ANXA8: variants seen among roughly 807,000 people sequenced by gnomAD.
ANXA8 encodes the protein annexin A8.
In ANXA8, 9 loss-of-function variants were observed where a neutral mutation model predicts 26.8. That is an observed-to-expected ratio of 0.34 (90% CI 0.20 to 0.59). The LOEUF is 0.59. Among genes scored for constraint, ANXA8 ranks in the 20% least tolerant of loss-of-function variants. The pLI, the probability that ANXA8 is intolerant of heterozygous loss-of-function variation, is 0.84. For missense variants in ANXA8, 83 were observed against 238.5 expected (o/e 0.35, Z 4.29); for synonymous variants, 39 against 94.8 (o/e 0.41, Z 3.42).
At chr10:47,493,785 T>C in the ANXA8 span, among the ~76,000 whole-genome samples, 1 of 148,580 alleles carries the variant, frequency 6.7e-6, no homozygotes, top group African/African-American at 2.5e-5. Context: ...CCCTGCTAAT[T>C]TAATGCACTG....
the ANXA8 span, among the ~76,000 whole-genome samples, chr10:47,727,458 G>A: frequency 1.3e-5 from 2 of 152,142 alleles, no homozygotes; most frequent in Non-Finnish European, 2.9e-5. Flanking sequence ...TCTTTCAATA[G>A]TAGATTGTTT....
At chr10:47,558,116 C>T in the ANXA8 span, among the ~76,000 whole-genome samples, 1 of 151,804 alleles carries the variant, frequency 6.6e-6, no homozygotes, top group Admixed American at 6.6e-5. Flanking sequence ...CATCTGGATA[C>T]CAGTTAACAT....
chr10:47,509,390 G>A, the ANXA8 span, among the ~76,000 whole-genome samples: 2 of 103,076 alleles, frequency 1.9e-5, no homozygotes, highest in South Asian at 7.0e-4. Context: ...TTGTTAAAAG[G>A]GAGGGAGGAA....
the ANXA8 span, among the ~76,000 whole-genome samples, chr10:47,901,859 G>T: frequency 1.3e-5 from 2 of 151,172 alleles, no homozygotes; most frequent in Admixed American, 1.3e-4. Flanking sequence ...TATTTATTTA[G>T]CAATTTGTTG....
the ANXA8 span, among the ~76,000 whole-genome samples, chr10:47,548,092 C>T: frequency 7.0e-5 from 10 of 142,480 alleles, no homozygotes; most frequent in African/African-American, 2.6e-4. Context: ...CTAATAGTAG[C>T]ATTACATGTT....
At chr10:47,572,632 G>T in the ANXA8 span, among the ~76,000 whole-genome samples, 1 of 148,408 alleles carries the variant, frequency 6.7e-6, no homozygotes, top group Non-Finnish European at 1.5e-5. Flanking sequence ...GAGGAGAATT[G>T]CTTGAACCTG....
the ANXA8 span, among the ~76,000 whole-genome samples, chr10:47,511,264 G>A: frequency 2.1e-5 from 3 of 142,282 alleles, no homozygotes; most frequent in East Asian, 2.8e-4. Context: ...TATTTACTAC[G>A]ATAAAATGTA....
the ANXA8 span, among the ~76,000 whole-genome samples, chr10:47,656,306 G>A: frequency 6.6e-6 from 1 of 151,426 alleles, no homozygotes; most frequent in South Asian, 2.1e-4. Flanking sequence ...GCTGAGGTGG[G>A]AGGATCTCTT....
the ANXA8 span, among the ~76,000 whole-genome samples, chr10:47,727,460 A>G: frequency 9.8e-4 from 148 of 151,426 alleles, no homozygotes; most frequent in African/African-American, 3.3e-3. Flanking sequence ...TTTCAATAGT[A>G]GATTGTTTTT....
chr10:47,889,014 GTGTATT>G, the ANXA8 span, among the ~76,000 whole-genome samples: 12 of 109,382 alleles, frequency 1.1e-4, 1 homozygote, highest in Non-Finnish European at 1.6e-4. Context: ...GTGTGTGTGT[GTGTATT>G]TATTTATTTA....
upstream of ANXA8, among the ~76,000 whole-genome samples, chr10:47,488,772 G>A (rs1840091823): frequency 8.4e-6 from 1 of 118,626 alleles, no homozygotes; most frequent in African/African-American, 3.3e-5. Flanking sequence ...CTGTCGCCCA[G>A]GCTGGAGTGC....
the ANXA8 span, among the ~76,000 whole-genome samples, chr10:47,733,179 T>TTCTCTCTCTC: frequency 4.6e-5 from 4 of 87,686 alleles, no homozygotes; most frequent in African/African-American, 1.3e-4. Flanking sequence ...CTTTCTTTCT[T>TTCTCTCTCTC]TCTTTCTTTC....
the ANXA8 span, among the ~76,000 whole-genome samples, chr10:47,651,365 TTA>T: frequency 6.6e-6 from 1 of 151,384 alleles, no homozygotes; most frequent in East Asian, 1.9e-4. Context: ...TAAGGGTTCC[TTA>T]CTTATAGAGA....
chr10:47,535,162 C>T, the ANXA8 span, among the ~76,000 whole-genome samples: 2 of 129,974 alleles, frequency 1.5e-5, no homozygotes, highest in African/African-American at 6.8e-5. Flanking sequence ...TTAGTAGAGA[C>T]AGGGTTTCAC....
chr10:47,654,141 G>A, the ANXA8 span, among the ~76,000 whole-genome samples: 1 of 151,568 alleles, frequency 6.6e-6, no homozygotes, highest in African/African-American at 2.4e-5. Flanking sequence ...TGAGGTAGTG[G>A]TGACGTTGTA....
At chr10:47,643,560 A>C in the ANXA8 span, among the ~76,000 whole-genome samples, 2 of 147,784 alleles carry the variant, frequency 1.4e-5, no homozygotes, top group East Asian at 1.9e-4. Flanking sequence ...ATCAATCAAT[A>C]AAACTTTTTA....
chr10:47,707,718 C>T, the ANXA8 span, among the ~76,000 whole-genome samples: 2 of 104,158 alleles, frequency 1.9e-5, no homozygotes, highest in Admixed American at 2.2e-4. Flanking sequence ...AGTCAAAAAA[C>T]GACAGATGTT....
chr10:47,770,118 G>A, the ANXA8 span, among the ~76,000 whole-genome samples: 1 of 144,986 alleles, frequency 6.9e-6, no homozygotes. Flanking sequence ...AGCCATTCAT[G>A]AGGGATCTGC....
the ANXA8 span, among the ~76,000 whole-genome samples, chr10:47,572,591 C>G: frequency 6.6e-6 from 1 of 150,580 alleles, no homozygotes; most frequent in African/African-American, 2.5e-5. Flanking sequence ...GTGGCGGGCA[C>G]CTGTAATCCC....
Sources: gnomAD v4.1 joint callset for allele counts (sites outside exome capture counted in the v4.1 genomes callset) on GRCh38, gnomAD v4.1.1 for gene constraint, MANE v1.5 for transcripts, NCBI Gene and HGNC (gene_info 2026-07-23, HGNC 2026-07-21) for gene names.